PRKAG2: variants seen among roughly 807,000 people sequenced by gnomAD.
PRKAG2 encodes the protein 5'-AMP-activated protein kinase subunit gamma-2.
In PRKAG2, 26 loss-of-function variants were observed where a neutral mutation model predicts 69.6. The observed-to-expected ratio is 0.37, with a 90% CI of 0.27 to 0.52. The LOEUF (loss-of-function observed/expected upper bound fraction) is 0.52. Ranked by LOEUF, PRKAG2 falls within the 20% of genes least tolerant of loss-of-function variation. The pLI, the probability that PRKAG2 is intolerant of heterozygous loss-of-function variation, is 0.90. For synonymous variants in PRKAG2, 293 were observed against 285.0 expected (o/e 1.03, Z -0.28); for missense variants, 557 against 740.0 (o/e 0.75, Z 2.87).
intron 3 of PRKAG2, among the ~76,000 whole-genome samples, chr7:151,778,937 A>C (rs923382218): frequency 1.4e-4 from 21 of 151,662 alleles, no homozygotes; most frequent in African/African-American, 4.6e-4. Flanking sequence ...ATGCACATAC[A>C]TACACACATA....
At chr7:151,736,368 T>A in intron 3 of PRKAG2, 1 of 1,012,622 alleles carries the variant, frequency 9.9e-7, no homozygotes, top group Non-Finnish European at 1.2e-6. Context: ...AGCTGCTCAC[T>A]GATACTCTCC....
rs991141184 is a variant in PRKAG2 at position 151,781,386 on chromosome 7, A to G, written c.232T>C (p.Ser78Pro). ...GAGGGCCGGGGCTGGGGGCCTCTGG[A>G]GAAGAACCCTTTGGAGGGGCTGCCC... Reference protein sequence around the residue: ...GPGSPSKGFFSRGPQPRPSSP... With the variant: ...GPGSPSKGFFPRGPQPRPSSP... Residue 78 changes from serine (S) to proline (P), a missense_variant, in exon 3 of 16, where the codon TCC becomes CCC. This residue lies in a region of PRKAG2 where 352 missense variants were observed against 356.7 expected (regional missense o/e 0.99). Transcript: ENST00000287878. The surrounding 1 kb of genome is among the most constrained non-coding windows in gnomAD (Gnocchi z 6.1). 1 of 1,612,204 alleles carries G rather than the reference A, an allele frequency of 6.2e-7. No homozygotes were observed. The highest frequency in any genetic ancestry group is 8.5e-7 in the Non-Finnish European group (1 of 1,179,374).
chr7:151,581,935 CAG>C (rs1810574478), intron 6 of PRKAG2, among the ~76,000 whole-genome samples: 2 of 152,196 alleles, frequency 1.3e-5, no homozygotes, highest in African/African-American at 4.8e-5. Context: ...ACAACACAAA[CAG>C]GAAATAACTG....
chr7:151,827,508 G>A (rs1411526842), intron 1 of PRKAG2, among the ~76,000 whole-genome samples: 2 of 152,054 alleles, frequency 1.3e-5, no homozygotes, highest in Non-Finnish European at 2.9e-5. Context: ...CAAAGTGCTG[G>A]GATTACAGGT....
At chr7:151,755,021 A>G (rs2074984034) in intron 3 of PRKAG2, among the ~76,000 whole-genome samples, 1 of 152,048 alleles carries the variant, frequency 6.6e-6, no homozygotes, top group African/African-American at 2.4e-5. Flanking sequence ...TGGGCCTGAC[A>G]AAGGGGCGAT....
At chr7:151,641,891 A>C (rs553289280) in intron 4 of PRKAG2, among the ~76,000 whole-genome samples, 256 of 152,138 alleles carry the variant, frequency 1.7e-3, no homozygotes, top group Admixed American at 2.0e-3. Flanking sequence ...ATATATATTC[A>C]ACACTATGAG....
chr7:151,565,269 TA>T, intron 13 of PRKAG2, 76 bp downstream of exon 13: 1 of 1,144,908 alleles, frequency 8.7e-7, no homozygotes. Context: ...AGAAACAAGA[TA>T]AAAACATAAA....
At chr7:151,791,899 C>T (rs1207344575) in intron 1 of PRKAG2, among the ~76,000 whole-genome samples, 2 of 152,208 alleles carry the variant, frequency 1.3e-5, no homozygotes, top group Non-Finnish European at 1.5e-5. Context: ...CAGCAACCCA[C>T]ACAAGTAGGA....
At chr7:151,752,826 T>C (rs1007054966) in intron 3 of PRKAG2, among the ~76,000 whole-genome samples, 2 of 152,240 alleles carry the variant, frequency 1.3e-5, no homozygotes, top group Non-Finnish European at 1.5e-5. Context: ...AGAAGACATT[T>C]ACACAATCCC....
chr7:151,791,546 A>G (rs1462722623), intron 1 of PRKAG2, among the ~76,000 whole-genome samples: 1 of 152,228 alleles, frequency 6.6e-6, no homozygotes, highest in African/African-American at 2.4e-5. Context: ...TTCCGCCAAG[A>G]GACAGCTTTA....
Position 151,799,164 on chromosome 7 carries a change from A to G in PRKAG2, c.115-12623T>C, listed in dbSNP as rs577893861. Among the ~76,000 whole-genome samples the G allele has an allele frequency of 2.0e-5, 3 of 152,330 alleles. No individual in the cohort carries two copies. The South Asian group carries it at 6.2e-4, about 32-fold the overall frequency. ...GGTGTTAGGATGGAAATGGCCTCAGAAATTCTCCAAGGCCCTTCTGTTACA... is the reference window on the plus strand; with the variant it reads ...GGTGTTAGGATGGAAATGGCCTCAGGAATTCTCCAAGGCCCTTCTGTTACA... On this transcript the variant is annotated intron_variant, in intron 1 of 15. Coordinates refer to ENST00000287878, the MANE Select transcript of PRKAG2 (RefSeq NM_016203.4).
chr7:151,582,170 G>A (rs1007780906), intron 6 of PRKAG2, among the ~76,000 whole-genome samples: 10 of 152,158 alleles, frequency 6.6e-5, no homozygotes, highest in Admixed American at 4.6e-4. Flanking sequence ...ACGTATGAAT[G>A]ACAGGGTCTC....
Position 151,567,419 on chromosome 7 carries a change from C to CATA in PRKAG2, c.1233+1294_1233+1296dup. Among the ~76,000 whole-genome samples the CATA allele has an allele frequency of 6.6e-6, 1 of 152,282 alleles. No individual in the cohort carries two copies. The highest frequency in any genetic ancestry group is 6.5e-5 in the Admixed American group (1 of 15,286). On this transcript the variant is annotated intron_variant, in intron 11 of 15. Coordinates refer to ENST00000287878, the MANE Select transcript of PRKAG2 (RefSeq NM_016203.4). The surrounding 1 kb of genome is among the most constrained non-coding windows in gnomAD (Gnocchi z 4.2). ...GTCAAGTGCTTAGAACAGTGCCGGA[C>CATA]ATACAGTAATCAGCTCTCATGATTA...
At chr7:151,869,653 C>T (rs1230868127) in intron 1 of PRKAG2, among the ~76,000 whole-genome samples, 1 of 152,260 alleles carries the variant, frequency 6.6e-6, no homozygotes, top group Non-Finnish European at 1.5e-5. Flanking sequence ...AGTGATCACG[C>T]ATCACTGTCT....
At chr7:151,770,580 C>T (rs765311416) in intron 3 of PRKAG2, among the ~76,000 whole-genome samples, 2 of 152,196 alleles carry the variant, frequency 1.3e-5, no homozygotes, top group Non-Finnish European at 2.9e-5. Flanking sequence ...AGAAGTGATC[C>T]TTTCCAAATG....
At position 151,795,876 on chromosome 7, in the gene PRKAG2, T is replaced by TATATATATACATATATATATATATATAC. The variant is rs1563689643; in HGVS notation, c.115-9336_115-9335insGTATATATATATATATATGTATATATAT. 8.2e-4 allele frequency among the ~76,000 whole-genome samples: 92 copies of TATATATATACATATATATATATATATAC among 112,802 alleles called. 1 individual carries two copies. The highest frequency in any genetic ancestry group is 4.3e-3 in the Middle Eastern group (1 of 234). The allele number at this position is 112,802 out of a possible 152,430, so 74.0% of individuals were successfully genotyped here. ...ATATATATATATATATATATATATA[T>TATATATATACATATATATATATATATAC]ATATATATATATATCACGATAATAT... is the stretch of plus-strand genomic sequence containing the variant. On this transcript the variant is annotated intron_variant, in intron 1 of 15. Transcript: ENST00000287878.
At chr7:151,852,896 G>A (rs1442583004) in intron 1 of PRKAG2, among the ~76,000 whole-genome samples, 2 of 152,230 alleles carry the variant, frequency 1.3e-5, no homozygotes, top group African/African-American at 4.8e-5. Flanking sequence ...CAGGAGGGAA[G>A]AATACCTGCT....
At chr7:151,644,203 T>C (rs1290856922) in intron 4 of PRKAG2, among the ~76,000 whole-genome samples, 1 of 152,176 alleles carries the variant, frequency 6.6e-6, no homozygotes, top group Non-Finnish European at 1.5e-5. Context: ...TGTAAGTTCA[T>C]GTAACCAAAT....
rs558895432 is a variant in PRKAG2, at chr7:151,809,100, G to C, written c.115-22559C>G. On this transcript the variant is annotated intron_variant, in intron 1 of 15. Coordinates refer to ENST00000287878, the MANE Select transcript of PRKAG2 (RefSeq NM_016203.4). ...GAGTATGGGGTGACTCAGAGGGAAG[G>C]GGTGGTGGCAGATGCCTGCAGCTGG... 51 of 402,998 alleles carry C rather than the reference G, an allele frequency of 1.3e-4. 1 individual carries two copies. Among genetic ancestry groups the C allele is most frequent in the Admixed American group, 3.5e-4 (13 of 37,474 alleles). 25.0% of individuals were successfully genotyped at this position (402,998 alleles called of 1,614,324 possible).
Sources: gnomAD v4.1 joint callset for allele counts (sites outside exome capture counted in the v4.1 genomes callset) on GRCh38, gnomAD v4.1.1 for gene constraint, gnomAD v4.1.1 regional missense constraint, Gnocchi (gnomAD v3.1) non-coding constraint, MANE v1.5 for transcripts, NCBI Gene and HGNC (gene_info 2026-07-23, HGNC 2026-07-21) for gene names.